Variants in CDH23 observed in about 807,000 individuals in gnomAD.
The protein encoded by CDH23 is cadherin-23.
CDH23 carries 189 observed loss-of-function variants against 317.1 expected under a neutral mutation model. The ratio of observed to expected loss-of-function variants is 0.60; its 90% CI spans 0.53 to 0.67. The LOEUF is 0.67. Among genes scored for constraint, CDH23 ranks in the 30% least tolerant of loss-of-function variants. The pLI is 0.00. For missense variants in CDH23, 4,401 were observed against 4,592.4 expected (o/e 0.96, Z 1.20); for synonymous variants, 1,839 against 1,876.8 (o/e 0.98, Z 0.52).
At chr10:71,589,182 C>T (rs911201181) in intron 9 of CDH23, among the ~76,000 whole-genome samples, 7 of 152,056 alleles carry the variant, frequency 4.6e-5, no homozygotes, top group Admixed American at 1.3e-4. Context: ...TGCAGTGGAG[C>T]GATCTTGGCT....
chr10:71,556,537 G>T (rs896950777), intron 6 of CDH23, among the ~76,000 whole-genome samples: 1 of 151,502 alleles, frequency 6.6e-6, no homozygotes, highest in African/African-American at 2.4e-5. Flanking sequence ...GGAGGCGGAG[G>T]TTCATGCCAT....
At chr10:71,441,110 A>G (rs7086538) in intron 2 of CDH23, among the ~76,000 whole-genome samples, 48,350 of 152,012 alleles carry the variant, frequency 0.32, 7,926 homozygotes, top group Middle Eastern at 0.45. Flanking sequence ...AGGGAGCCTC[A>G]GGCGCTTTTT....
Position 71,799,562 on chromosome 10 carries a change from G to A in CDH23, c.7295G>A (p.Gly2432Asp), listed in dbSNP as rs201579860. The A allele has an allele frequency of 3.3e-5, 53 of 1,613,950 alleles. No homozygotes were observed. The highest frequency in any genetic ancestry group is 3.6e-5 in the Non-Finnish European group (43 of 1,179,908). The change falls in exon 52 of 70, where the codon GGC becomes GAC. Residue 2432 changes from glycine (G) to aspartate (D), a missense_variant. This residue lies in a region of CDH23 where 189 missense variants were observed against 250.9 expected (regional missense o/e 0.75). Coordinates refer to ENST00000224721, the MANE Select transcript of CDH23 (RefSeq NM_022124.6). ...LTVTATDADS[G>D]NFALIEYSLG... ...GTCACTGCCACTGATGCTGACTCAG[G>A]CAACTTTGCACTCATTGAGTACAGC... is the stretch of plus-strand genomic sequence containing the variant.
At chr10:71,401,061 C>G (rs147397132) in intron 1 of CDH23, among the ~76,000 whole-genome samples, 1 of 152,316 alleles carries the variant, frequency 6.6e-6, no homozygotes, top group East Asian at 1.9e-4. Context: ...AGGTCATTTA[C>G]AAGTCGAACC....
chr10:71,782,044 G>C (rs1328770902), intron 41 of CDH23, among the ~76,000 whole-genome samples: 3 of 152,210 alleles, frequency 2.0e-5, no homozygotes, highest in Non-Finnish European at 4.4e-5. Context: ...TGGGACCCCA[G>C]CTTAAAGGTC....
chr10:71,793,534 C>T lies in CDH23; in HGVS notation c.6606C>T (p.Asp2202=), dbSNP rs756669421. 10 of 1,613,826 alleles carry T rather than the reference C, an allele frequency of 6.2e-6. No homozygotes were observed. Among genetic ancestry groups the T allele is most frequent in the South Asian group, 5.5e-5 (5 of 91,078 alleles). Residue 2202 remains aspartate, a synonymous_variant, in exon 48 of 70, where the codon GAC becomes GAT. Coordinates refer to ENST00000224721, the MANE Select transcript of CDH23 (RefSeq NM_022124.6). ...VIANITAIDH[D]LNPKLEYHIV... Reference sequence around the variant, plus strand: ...CCAATATCACGGCCATTGACCACGACCTCAACCCAAAGCTAGAGTACCACA... The same window carrying T: ...CCAATATCACGGCCATTGACCACGATCTCAACCCAAAGCTAGAGTACCACA...
intron 11 of CDH23, among the ~76,000 whole-genome samples, chr10:71,642,203 A>T (rs1042970830): frequency 1.3e-5 from 2 of 151,844 alleles, no homozygotes; most frequent in East Asian, 1.9e-4. Context: ...TGGGCCCTGG[A>T]GCGCTCAGAT....
In CDH23 at chr10:71,803,092, G is replaced by A; in HGVS notation, c.7660+17G>A. 3 of 1,604,798 alleles carry A rather than the reference G, an allele frequency of 1.9e-6. No individual in the cohort carries two copies. Among genetic ancestry groups the A allele is most frequent in the Non-Finnish European group, 1.7e-6 (2 of 1,172,884 alleles). On this transcript the variant is annotated intron_variant, in intron 54 of 69. Transcript: ENST00000224721. ...CTGGCGTGGGTATGTGGCCTTCCTT[G>A]GACACCCATGATGTCTTGGGGGGTG...
Position 71,793,638 on chromosome 10 carries a change from C to T in CDH23, c.6710C>T (p.Thr2237Ile). 6.3e-7 allele frequency: 1 copy of T among 1,578,850 alleles called. No homozygotes were observed. The highest frequency in any genetic ancestry group is 1.2e-5 in the South Asian group (1 of 84,454). ...GACGCCTTTGCTGTGAATATCAACA[C>T]AGGTACAAGGGCCTGCACCCCTCCC... ...QEDAFAVNIN[T>I]GSVMVKSPMN... The change falls in exon 48 of 70, where the codon ACA (threonine) becomes ATA (isoleucine). Residue 2237 changes from threonine (T) to isoleucine (I), a missense_variant and splice_region_variant. Transcript: ENST00000224721.
chr10:71,617,550 C>T (rs1861258787), intron 11 of CDH23, 157 bp downstream of exon 11: 2 of 1,476,062 alleles, frequency 1.4e-6, no homozygotes, highest in Non-Finnish European at 1.8e-6. Context: ...AAAAAAAAAT[C>T]ACTAGTCTCT....
chr10:71,788,612 C>A (rs569730790), intron 44 of CDH23, among the ~76,000 whole-genome samples: 9 of 152,124 alleles, frequency 5.9e-5, no homozygotes, highest in Non-Finnish European at 7.4e-5. Context: ...CGTGCCACCA[C>A]GCCCAGCTAA....
intron 56 of CDH23, 34 bp downstream of exon 56, chr10:71,806,031 TG>T: frequency 2.1e-6 from 1 of 468,382 alleles, no homozygotes; most frequent in Non-Finnish European, 3.6e-6. Context: ...GGGCGGGGTC[TG>T]GGGCGGGGCT....
chr10:71,602,745 C>G (rs1381072590), intron 9 of CDH23, among the ~76,000 whole-genome samples: 1 of 152,182 alleles, frequency 6.6e-6, no homozygotes, highest in Non-Finnish European at 1.5e-5. Flanking sequence ...AGTTCACCAT[C>G]TTTGACGCAT....
chr10:71,582,940 A>C (rs1184482717), intron 9 of CDH23, among the ~76,000 whole-genome samples: 4 of 152,222 alleles, frequency 2.6e-5, no homozygotes, highest in Non-Finnish European at 4.4e-5. Flanking sequence ...GTTGACATGC[A>C]GTGATGGCTC....
chr10:71,495,268 C>T lies in CDH23; in HGVS notation c.146-14814C>T, dbSNP rs117292319. Among the ~76,000 whole-genome samples the T allele has an allele frequency of 8.2e-3, 1,246 of 152,198 alleles. 9 individuals carry two copies. Among genetic ancestry groups the T allele is most frequent in the Admixed American group, 0.013 (201 of 15,288 alleles). On this transcript the variant is annotated intron_variant, in intron 3 of 69. Coordinates refer to ENST00000224721, the MANE Select transcript of CDH23 (RefSeq NM_022124.6). ...GTGCTGTGATCATTGTGGGTAATTA[C>T]GAGTCTCCTCAAAGAGGAAGTGATT...
chr10:71,750,933 C>T (rs570787230), intron 38 of CDH23: 18 of 293,836 alleles, frequency 6.1e-5, no homozygotes, highest in East Asian at 5.7e-4. Flanking sequence ...TGTCTCAGAA[C>T]GAGAGCTGCT....
intron 38 of CDH23, among the ~76,000 whole-genome samples, chr10:71,754,663 G>A (rs1237662651): frequency 6.6e-6 from 1 of 152,182 alleles, no homozygotes; most frequent in Non-Finnish European, 1.5e-5. Flanking sequence ...CCTTAGGCAA[G>A]TTACTTAACC....
At chr10:71,636,677 A>G (rs1020009231) in intron 11 of CDH23, among the ~76,000 whole-genome samples, 1 of 152,190 alleles carries the variant, frequency 6.6e-6, no homozygotes, top group African/African-American at 2.4e-5. Flanking sequence ...CCTCAGGCCC[A>G]TGGTACTCAA....
chr10:71,532,816 A>G (rs1855477467), intron 6 of CDH23, among the ~76,000 whole-genome samples: 1 of 143,980 alleles, frequency 6.9e-6, no homozygotes, highest in Non-Finnish European at 1.5e-5. Context: ...TGCAACCTCT[A>G]CCTCCTAGGT....
Sources: allele counts gnomAD v4.1 joint callset (sites outside exome capture counted in the v4.1 genomes callset), GRCh38; gene constraint gnomAD v4.1.1; regional missense constraint gnomAD v4.1.1; transcripts MANE v1.5; gene names NCBI Gene and HGNC (gene_info 2026-07-23, HGNC 2026-07-21).